Variants in PSEN1 observed in about 807,000 individuals in gnomAD.
The protein encoded by PSEN1 is presenilin 1.
A neutral mutation model predicts 53.5 loss-of-function variants in PSEN1; 15 were observed. The observed-to-expected ratio is 0.28, with a 90% confidence interval of 0.19 to 0.43. The LOEUF (loss-of-function observed/expected upper bound fraction) is 0.43. Ranked by LOEUF, PSEN1 falls within the 20% of genes least tolerant of loss-of-function variation. The pLI is 1.00. For synonymous variants in PSEN1, 208 were observed against 209.8 expected (o/e 0.99, Z 0.08); for missense variants, 387 against 571.2 (o/e 0.68, Z 3.29).
intron 5 of PSEN1, among the ~76,000 whole-genome samples, chr14:73,175,453 G>T (rs1034094812): frequency 2.0e-5 from 3 of 151,074 alleles, no homozygotes; most frequent in Non-Finnish European, 4.4e-5. Flanking sequence ...ACCAGCCTGA[G>T]CAACATAGTA....
intron 1 of PSEN1, among the ~76,000 whole-genome samples, chr14:73,146,468 A>C (rs1897074394): frequency 6.6e-6 from 1 of 152,178 alleles, no homozygotes; most frequent in Non-Finnish European, 1.5e-5. Context: ...TTTTCAATTA[A>C]TATGAATTTG....
chr14:73,156,372 A>G (rs932144404), intron 3 of PSEN1, among the ~76,000 whole-genome samples: 1 of 150,994 alleles, frequency 6.6e-6, no homozygotes, highest in Non-Finnish European at 1.5e-5. Context: ...TAATAATAAT[A>G]AAATAAATAA....
At position 73,202,433 on chromosome 14, in the gene PSEN1, TATATATATATATATATATATATATA is replaced by T. The variant is rs1566648131; in HGVS notation, c.869-3952_869-3928del. Among the ~76,000 whole-genome samples, 7 of 12,702 alleles carry T rather than the reference TATATATATATATATATATATATATA, an allele frequency of 5.5e-4. No individual in the cohort carries two copies. The South Asian group carries it at 0.01, about 19-fold the overall frequency. The allele number at this position is 12,702 out of a possible 152,430, so 8.3% of individuals were successfully genotyped here. A position where few individuals can be genotyped will look rare whatever the true frequency, so the allele number is the denominator to read the frequency against. ...CTATCACATACTATATATATATATA[TATATATATATATATATATATATATA>T]TATATTTTTTTTTTTTTTTTTTTTT... is the stretch of plus-strand genomic sequence containing the variant. On this transcript the variant is annotated intron_variant, in intron 8 of 11. Coordinates refer to ENST00000324501, the MANE Select transcript of PSEN1 (RefSeq NM_000021.4).
intron 4 of PSEN1, among the ~76,000 whole-genome samples, chr14:73,172,565 G>A (rs1308187406): frequency 2.0e-5 from 3 of 152,180 alleles, no homozygotes; most frequent in African/African-American, 7.2e-5. Flanking sequence ...ACGCTCCTTG[G>A]TTTATACATT....
intron 1 of PSEN1, among the ~76,000 whole-genome samples, chr14:73,147,008 G>A (rs1008833941): frequency 3.3e-5 from 5 of 152,006 alleles, no homozygotes; most frequent in Non-Finnish European, 7.4e-5. Context: ...AAGATCAAAG[G>A]AGAGGTCTGA....
chr14:73,157,637 C>G (rs1897398606), intron 3 of PSEN1, among the ~76,000 whole-genome samples: 2 of 152,100 alleles, frequency 1.3e-5, no homozygotes, highest in Admixed American at 6.6e-5. Context: ...CTCCCTGATT[C>G]CTCCCCATCC....
chr14:73,180,969 T>C (rs994518630), intron 5 of PSEN1, among the ~76,000 whole-genome samples: 2 of 152,238 alleles, frequency 1.3e-5, no homozygotes, highest in African/African-American at 4.8e-5. Context: ...TTTGCTTTTA[T>C]GATATATTCT....
intron 11 of PSEN1, 26 bp downstream of exon 11, chr14:73,217,270 T>G (rs1383051293): frequency 2.5e-6 from 4 of 1,613,160 alleles, no homozygotes; most frequent in Non-Finnish European, 3.4e-6. Flanking sequence ...TAAGAATGTG[T>G]CAGAGCTCTT....
intron 6 of PSEN1, among the ~76,000 whole-genome samples, chr14:73,190,188 A>G (rs1898663695): frequency 6.6e-6 from 1 of 152,176 alleles, no homozygotes; most frequent in Non-Finnish European, 1.5e-5. Context: ...AATATGCAAG[A>G]TCTATTGAGA....
chr14:73,156,442 T>A (rs531897493), intron 3 of PSEN1, among the ~76,000 whole-genome samples: 1 of 151,950 alleles, frequency 6.6e-6, no homozygotes, highest in South Asian at 2.1e-4. Context: ...GCAAAAGGCT[T>A]CAAGTTCCTA....
intron 3 of PSEN1, among the ~76,000 whole-genome samples, chr14:73,155,083 T>C (rs776233959): frequency 6.6e-6 from 1 of 152,256 alleles, no homozygotes; most frequent in Non-Finnish European, 1.5e-5. Flanking sequence ...TATAAAAATA[T>C]TACCATAGAA....
At chr14:73,213,160 G>A (rs914166485) in intron 10 of PSEN1, among the ~76,000 whole-genome samples, 3 of 152,142 alleles carry the variant, frequency 2.0e-5, no homozygotes, top group Non-Finnish European at 4.4e-5. Flanking sequence ...AAAAGTAGAC[G>A]TATCTGCCTG....
intron 5 of PSEN1, among the ~76,000 whole-genome samples, chr14:73,184,418 G>A (rs1898381291): frequency 8.3e-6 from 1 of 121,088 alleles, no homozygotes; most frequent in Non-Finnish European, 1.8e-5. Flanking sequence ...CTCTCCGACG[G>A]GGCGGCTGGC....
chr14:73,146,674 T>C (rs1443417874), intron 1 of PSEN1, among the ~76,000 whole-genome samples: 1 of 152,214 alleles, frequency 6.6e-6, no homozygotes, highest in East Asian at 1.9e-4. Flanking sequence ...AAAATTACTT[T>C]ATGCATTTTT....
At chr14:73,157,672 C>T (rs1351741892) in intron 3 of PSEN1, among the ~76,000 whole-genome samples, 3 of 152,006 alleles carry the variant, frequency 2.0e-5, no homozygotes, top group South Asian at 2.1e-4. Context: ...TTTGTCACCG[C>T]GCGCAGCCAT....
At chr14:73,214,613 A>T (rs1338645917) in intron 10 of PSEN1, among the ~76,000 whole-genome samples, 1 of 152,094 alleles carries the variant, frequency 6.6e-6, no homozygotes, top group Non-Finnish European at 1.5e-5. Flanking sequence ...GTTCAGTTTT[A>T]TTATTCAGCT....
intron 3 of PSEN1, among the ~76,000 whole-genome samples, chr14:73,160,361 A>G (rs1464046686): frequency 6.6e-6 from 1 of 152,218 alleles, no homozygotes; most frequent in African/African-American, 2.4e-5. Context: ...GGCTATGCAC[A>G]TATCTGTTTG....
At chr14:73,189,025 A>C (rs539627812) in intron 6 of PSEN1, among the ~76,000 whole-genome samples, 1 of 152,044 alleles carries the variant, frequency 6.6e-6, no homozygotes, top group Non-Finnish European at 1.5e-5. Flanking sequence ...TCTTGACCTC[A>C]GGTGATCCAC....
At chr14:73,200,250 T>G (rs1352154964) in intron 8 of PSEN1, among the ~76,000 whole-genome samples, 2 of 152,352 alleles carry the variant, frequency 1.3e-5, no homozygotes, top group East Asian at 3.9e-4. Flanking sequence ...TGGTATAATC[T>G]TTTTCATATT....
Sources: gnomAD v4.1 joint callset for allele counts (sites outside exome capture counted in the v4.1 genomes callset) on GRCh38, gnomAD v4.1.1 for gene constraint, MANE v1.5 for transcripts, NCBI Gene and HGNC (gene_info 2026-07-23, HGNC 2026-07-21) for gene names.